PDE10A: variants seen among roughly 807,000 people sequenced by gnomAD.
The protein encoded by PDE10A is cAMP and cAMP-inhibited cGMP 3',5'-cyclic phosphodiesterase 10A.
A neutral mutation model predicts 97.7 loss-of-function variants in PDE10A; 39 were observed. The observed-to-expected ratio is 0.40, with a 90% CI of 0.31 to 0.52. The LOEUF is 0.52. Among genes scored for constraint, PDE10A ranks in the 20% least tolerant of loss-of-function variants. PDE10A has a pLI of 0.56. For synonymous variants in PDE10A, 371 were observed against 376.8 expected, an observed-to-expected ratio of 0.98 and a Z score of 0.18; for missense variants, 731 against 1,047.8, an observed-to-expected ratio of 0.70 and a Z score of 4.17.
chr6:165,701,940 C>T (rs181288351), intron 1 of PDE10A, among the ~76,000 whole-genome samples: 8 of 152,166 alleles, frequency 5.3e-5, no homozygotes, highest in Admixed American at 1.3e-4. Flanking sequence ...AGGAACACTC[C>T]GGTGATACGG....
At chr6:165,376,952 C>G (rs1167765515) in intron 18 of PDE10A, among the ~76,000 whole-genome samples, 1 of 152,108 alleles carries the variant, frequency 6.6e-6, no homozygotes, top group Non-Finnish European at 1.5e-5. Flanking sequence ...CCACATGCAT[C>G]CCTACCGTTC....
At chr6:165,566,215 A>G (rs1237223372) in intron 1 of PDE10A, among the ~76,000 whole-genome samples, 2 of 152,202 alleles carry the variant, frequency 1.3e-5, no homozygotes, top group Admixed American at 1.3e-4. Flanking sequence ...TAGACAAAGA[A>G]CTCTAAAGCT....
At chr6:165,882,145 A>C (rs1781497727) in intron 1 of PDE10A, among the ~76,000 whole-genome samples, 1 of 152,168 alleles carries the variant, frequency 6.6e-6, no homozygotes, top group Admixed American at 6.5e-5. Context: ...TGGCAGATTG[A>C]TTTCCACTCC....
chr6:165,748,235 C>T (rs2128455082), intron 1 of PDE10A, among the ~76,000 whole-genome samples: 1 of 152,288 alleles, frequency 6.6e-6, no homozygotes, highest in Admixed American at 6.5e-5. Context: ...ATGTCAATTC[C>T]TTTTTGATTA....
chr6:165,340,640 T>C (rs1933402942), intron 19 of PDE10A, among the ~76,000 whole-genome samples: 1 of 152,104 alleles, frequency 6.6e-6, no homozygotes, highest in South Asian at 2.1e-4. Context: ...GAAACAAAAA[T>C]GCTAAAAAGG....
intron 1 of PDE10A, among the ~76,000 whole-genome samples, chr6:165,724,530 C>T (rs1378084560): frequency 6.6e-6 from 1 of 152,238 alleles, no homozygotes; most frequent in African/African-American, 2.4e-5. Flanking sequence ...TTAGAGCTCC[C>T]TTTTGATATC....
intron 1 of PDE10A, among the ~76,000 whole-genome samples, chr6:165,701,709 ATG>A (rs372678676): frequency 2.1e-4 from 32 of 150,144 alleles, no homozygotes; most frequent in Middle Eastern, 3.4e-3. Context: ...GCATGTGTGC[ATG>A]TGTGTGTTTG....
chr6:165,859,515 T>C (rs1182638170), intron 1 of PDE10A, among the ~76,000 whole-genome samples: 2 of 152,174 alleles, frequency 1.3e-5, no homozygotes, highest in Admixed American at 6.5e-5. Context: ...TTACAAAGGA[T>C]GCAGATGGAG....
intron 1 of PDE10A, among the ~76,000 whole-genome samples, chr6:165,574,238 A>G (rs1785194479): frequency 6.6e-6 from 1 of 151,908 alleles, no homozygotes; most frequent in Non-Finnish European, 1.5e-5. Context: ...AGTCCAGAAC[A>G]GTGACTCCAT....
chr6:165,782,837 A>G (rs1304451396), intron 1 of PDE10A, among the ~76,000 whole-genome samples: 3 of 152,226 alleles, frequency 2.0e-5, no homozygotes, highest in Non-Finnish European at 4.4e-5. Flanking sequence ...TTGTACAATC[A>G]GATTTCAAAA....
chr6:165,621,811 C>A (rs964907191), intron 1 of PDE10A, among the ~76,000 whole-genome samples: 8 of 151,376 alleles, frequency 5.3e-5, no homozygotes, highest in African/African-American at 1.5e-4. Context: ...CATAAAGGAC[C>A]AAATCCTTGG....
At chr6:165,384,786 T>C (rs1785182326) in intron 17 of PDE10A, among the ~76,000 whole-genome samples, 1 of 152,218 alleles carries the variant, frequency 6.6e-6, no homozygotes, top group South Asian at 2.1e-4. Context: ...ATCCAGTAGA[T>C]ACCACTGGCA....
rs78166962 is a variant in PDE10A, at chr6:165,744,519, A to G, written c.-614-200951T>C. ...TGAGATAAGTGGCCTATACACATTT[A>G]TAAAAAGCCCAGAGAACTAATACAC... On this transcript the variant is annotated intron_variant, in intron 1 of 19. Coordinates refer to the PDE10A transcript ENST00000366882. Among the ~76,000 whole-genome samples the G allele has an allele frequency of 3.3e-3, 509 of 152,308 alleles. 4 individuals carry two copies. Among genetic ancestry groups the G allele is most frequent in the African/African-American group, 0.012 (487 of 41,558 alleles).
chr6:165,632,660 T>A (rs1788687400), intron 1 of PDE10A, among the ~76,000 whole-genome samples: 1 of 152,196 alleles, frequency 6.6e-6, no homozygotes, highest in African/African-American at 2.4e-5. Flanking sequence ...AATTGGTAAA[T>A]CTTGGTCAGC....
At chr6:165,830,139 T>G (rs1779870246) in intron 1 of PDE10A, among the ~76,000 whole-genome samples, 1 of 152,230 alleles carries the variant, frequency 6.6e-6, no homozygotes, top group Non-Finnish European at 1.5e-5. Flanking sequence ...GTTTCAAGGT[T>G]GGAGGTGAAA....
intron 1 of PDE10A, among the ~76,000 whole-genome samples, chr6:165,885,434 C>A (rs1293942321): frequency 6.6e-6 from 1 of 152,114 alleles, no homozygotes; most frequent in Non-Finnish European, 1.5e-5. Context: ...AGGGAAACTG[C>A]CCCCGTGATC....
chr6:165,535,451 T>A (rs531332865), intron 2 of PDE10A, among the ~76,000 whole-genome samples: 7 of 151,930 alleles, frequency 4.6e-5, no homozygotes, highest in Non-Finnish European at 8.8e-5. Flanking sequence ...ATTTAACTCC[T>A]ACTTATAAGT....
At chr6:165,772,779 G>A in intron 1 of PDE10A, among the ~76,000 whole-genome samples, 1 of 152,180 alleles carries the variant, frequency 6.6e-6, no homozygotes, top group East Asian at 1.9e-4. Flanking sequence ...AAGAGACAGA[G>A]TGAAAAATCC....
intron 1 of PDE10A, among the ~76,000 whole-genome samples, chr6:165,786,137 C>G (rs1778486910): frequency 6.6e-6 from 1 of 152,182 alleles, no homozygotes; most frequent in South Asian, 2.1e-4. Flanking sequence ...ATGGAGGAAA[C>G]AGATTATTTA....
Sources: gnomAD v4.1 joint callset for allele counts (sites outside exome capture counted in the v4.1 genomes callset) on GRCh38, gnomAD v4.1.1 for gene constraint, MANE v1.5 for transcripts, NCBI Gene and HGNC (gene_info 2026-07-23, HGNC 2026-07-21) for gene names.